EXOC7: variants seen among roughly 807,000 people sequenced by gnomAD.
EXOC7 encodes exocyst complex component 7, also known as exocyst complex component Exo70.
Under a neutral mutation model 87.6 loss-of-function variants are expected in EXOC7, and 51 were observed. That is an observed-to-expected ratio of 0.58 (90% CI 0.46 to 0.73). The LOEUF is 0.73. Among genes scored for constraint, EXOC7 ranks in the 30% least tolerant of loss-of-function variants. The probability of loss-of-function intolerance (pLI) is 0.00; values close to 1 mark genes in which losing one functional copy is unlikely to be tolerated. For missense variants in EXOC7, 744 were observed against 888.4 expected (o/e 0.84, Z 2.07); for synonymous variants, 327 against 357.1 (o/e 0.92, Z 0.95).
chr17:76,103,708 G>C lies in EXOC7; in HGVS notation c.-16C>G. 6.3e-7 allele frequency: 1 copy of C among 1,599,264 alleles called. No individual in the cohort carries two copies. The highest frequency in any genetic ancestry group is 1.3e-5 in the African/African-American group (1 of 74,444). On this transcript the variant is annotated 5_prime_UTR_variant, in exon 1 of 19. Transcript: ENST00000589210. ...GGGGAATCATCGCTCTGAACCCCGCGGCTCCCACTCCCCAGTATCTTTCCT... is the reference window on the plus strand; with the variant it reads ...GGGGAATCATCGCTCTGAACCCCGCCGCTCCCACTCCCCAGTATCTTTCCT...
chr17:76,097,385 C>CA (rs1555641049), intron 5 of EXOC7, among the ~76,000 whole-genome samples: 4 of 151,868 alleles, frequency 2.6e-5, no homozygotes, highest in Non-Finnish European at 5.9e-5. Flanking sequence ...ATCCTTTTAT[C>CA]AAAAAAACCA....
At chr17:76,088,705 G>T in intron 9 of EXOC7, 66 bp downstream of exon 9, 1 of 1,604,610 alleles carries the variant, frequency 6.2e-7, no homozygotes, top group South Asian at 1.1e-5. Flanking sequence ...AGGGAGGGAT[G>T]GGGCGGCCAC....
At chr17:76,090,519 G>A (rs1369015391) in intron 7 of EXOC7, 12 of 1,542,922 alleles carry the variant, frequency 7.8e-6, no homozygotes, top group Non-Finnish European at 9.6e-6. Flanking sequence ...TGGGGATGGG[G>A]AAGGGGGCAT....
At chr17:76,103,159 G>A (rs1979132) in intron 2 of EXOC7, 443,027 of 588,814 alleles carry the variant, frequency 0.75, 171,290 homozygotes, top group East Asian at 0.88. Flanking sequence ...AGTGGGAAGT[G>A]CAGCCTCCTC....
In EXOC7 at chr17:76,084,230, G is replaced by A; in HGVS notation, c.1818+18C>T. ...AACAGCAGCAGCAAGCAGTGGAGGG[G>A]AGAGGACCCCGACTCACCTTAAAAC... On this transcript the variant is annotated intron_variant, in intron 17 of 18. Coordinates refer to ENST00000589210, the MANE Select transcript of EXOC7 (RefSeq NM_001013839.4). 1 of 1,610,358 alleles carries A rather than the reference G, an allele frequency of 6.2e-7. No homozygotes were observed. Among genetic ancestry groups the A allele is most frequent in the South Asian group, 1.1e-5 (1 of 90,970 alleles).
At position 76,081,555 on chromosome 17, in the gene EXOC7, A is replaced by G. The variant is rs373431850; in HGVS notation, c.*2093T>C. 32 of 1,613,556 alleles carry G rather than the reference A, an allele frequency of 2.0e-5. No homozygotes were observed. Among genetic ancestry groups the G allele is most frequent in the Non-Finnish European group, 2.5e-5 (29 of 1,180,018 alleles). ...CTTTTCCCCTTCCAGCTGAGGCTGA[A>G]GAACACGGCGCTCAAGTCCATCATC... On this transcript the variant is annotated 3_prime_UTR_variant, in exon 19 of 19. Transcript: ENST00000589210.
Position 76,084,502 on chromosome 17 carries a change from A to G in EXOC7, c.1776+15T>C. 1 of 1,613,492 alleles carries G rather than the reference A, an allele frequency of 6.2e-7. No homozygotes were observed. The highest frequency in any genetic ancestry group is 1.1e-5 in the South Asian group (1 of 90,976). On this transcript the variant is annotated intron_variant, in intron 16 of 18. Transcript: ENST00000589210. Reference sequence around the variant, plus strand: ...TCTGCCAGACACCCCTTCCCAGCCCAGGTCTTGAGCCCACCTTGACTCCCG... The same window carrying G: ...TCTGCCAGACACCCCTTCCCAGCCCGGGTCTTGAGCCCACCTTGACTCCCG...
intron 4 of EXOC7, 186 bp from the exon 5 acceptor site, chr17:76,098,204 T>C (rs2067876010): frequency 5.3e-6 from 3 of 565,568 alleles, no homozygotes; most frequent in Non-Finnish European, 9.4e-6. Context: ...TGACACAATC[T>C]TGGCTCACTG....
intron 5 of EXOC7, among the ~76,000 whole-genome samples, chr17:76,095,596 T>C (rs2067711098): frequency 6.6e-6 from 1 of 152,170 alleles, no homozygotes; most frequent in Non-Finnish European, 1.5e-5. Context: ...TAATAAAGTA[T>C]AAATTAAAAA....
At chr17:76,096,713 C>T (rs543309430) in intron 5 of EXOC7, among the ~76,000 whole-genome samples, 4 of 152,226 alleles carry the variant, frequency 2.6e-5, no homozygotes, top group East Asian at 3.9e-4. Context: ...TGCGCCACCA[C>T]GCCCAGCTAA....
At chr17:76,087,296 G>C (rs1173425988) in intron 12 of EXOC7, 2 of 396,028 alleles carry the variant, frequency 5.1e-6, no homozygotes, top group African/African-American at 4.1e-5. Flanking sequence ...CCCTCTGAAG[G>C]CCAGCTGAGC....
intron 18 of EXOC7, 111 bp from the exon 19 acceptor site, chr17:76,083,861 T>A (rs2067085862): frequency 6.7e-7 from 1 of 1,486,796 alleles, no homozygotes. Context: ...AGCGATTCCC[T>A]GTCTGGCCCC....
At chr17:76,085,924 C>T (rs754740130) in intron 13 of EXOC7, 127 bp from the exon 14 acceptor site, 41 of 1,519,246 alleles carry the variant, frequency 2.7e-5, no homozygotes, top group Non-Finnish European at 3.1e-5. Flanking sequence ...AGCCCAACTC[C>T]CCTCAGCCTC....
chr17:76,083,918 T>C, intron 18 of EXOC7, 88 bp downstream of exon 18: 1 of 1,484,052 alleles, frequency 6.7e-7, no homozygotes, highest in Non-Finnish European at 9.0e-7. Context: ...TCCACCACCC[T>C]TCTCCTTTTT....
Position 76,081,428 on chromosome 17 carries a change from CAG to C in EXOC7, c.*2218_*2219del. The stretch of plus-strand genomic sequence containing the variant: ...GTGAGTCAAGTCGGGAGGAGGCCGA[CAG>C]AGGGCTGCTGGAGGCGGGTGGGAGT... On this transcript the variant is annotated 3_prime_UTR_variant, in exon 19 of 19. Transcript: ENST00000589210. 1.9e-6 allele frequency: 3 copies of C among 1,613,570 alleles called. No individual in the cohort carries two copies. Among genetic ancestry groups the C allele is most frequent in the Non-Finnish European group, 2.5e-6 (3 of 1,179,828 alleles).
intron 6 of EXOC7, chr17:76,093,960 A>G (rs1379909816): frequency 6.5e-6 from 1 of 153,270 alleles, no homozygotes; most frequent in Admixed American, 6.5e-5. Flanking sequence ...CAACTGGGAA[A>G]GTGAAATTCT....
At position 76,103,777 on chromosome 17, in the gene EXOC7, C is replaced by T. The variant is rs2068203810; in HGVS notation, c.-85G>A. 1 of 1,446,752 alleles carries T rather than the reference C, an allele frequency of 6.9e-7. No individual in the cohort carries two copies. The allele number at this position is 1,446,752 out of a possible 1,614,324, so 89.6% of individuals were successfully genotyped here. On this transcript the variant is annotated 5_prime_UTR_variant, in exon 1 of 19. Coordinates refer to ENST00000589210, the MANE Select transcript of EXOC7 (RefSeq NM_001013839.4). Reference sequence around the variant, plus strand: ...CCCGTCCCCGTCACACCCACTTCCGCTCTTGGTCCCGCCCCGGGACGCCTG... The same window carrying T: ...CCCGTCCCCGTCACACCCACTTCCGTTCTTGGTCCCGCCCCGGGACGCCTG...
rs779504228 is a variant in EXOC7, at chr17:76,081,561, CG to C, written c.*2086del. ...CCCTTCCAGCTGAGGCTGAAGAACA[CG>C]GCGCTCAAGTCCATCATCGCTCTCT... On this transcript the variant is annotated 3_prime_UTR_variant, in exon 19 of 19. Coordinates refer to ENST00000589210, the MANE Select transcript of EXOC7 (RefSeq NM_001013839.4). 6.2e-7 allele frequency: 1 copy of C among 1,613,582 alleles called. No individual in the cohort carries two copies. The highest frequency in any genetic ancestry group is 1.1e-5 in the South Asian group (1 of 91,088).
In EXOC7 at chr17:76,089,159, CG is replaced by C. The variant is rs1567968193; in HGVS notation, c.1047+15del. 1 of 1,611,532 alleles carries C rather than the reference CG, an allele frequency of 6.2e-7. No homozygotes were observed. The highest frequency in any genetic ancestry group is 1.1e-5 in the South Asian group (1 of 91,012). On this transcript the variant is annotated intron_variant, in intron 8 of 18. Coordinates refer to ENST00000589210, the MANE Select transcript of EXOC7 (RefSeq NM_001013839.4). ...TTGCTGGGGCTGGCTGCAGAGCCCC[CG>C]GGGCGGGGCGGGACCTGTATCAGGG...
Sources: allele counts gnomAD v4.1 joint callset (sites outside exome capture counted in the v4.1 genomes callset), GRCh38; gene constraint gnomAD v4.1.1; transcripts MANE v1.5; gene names NCBI Gene and HGNC (gene_info 2026-07-23, HGNC 2026-07-21).